The following SFMBT2 variants were observed in gnomAD, a reference collection of about 807,000 sequenced individuals.
The protein encoded by SFMBT2 is scm-like with four MBT domains protein 2.
SFMBT2 carries 38 observed loss-of-function variants against 110.1 expected under a neutral mutation model. The observed-to-expected ratio is 0.35, with a 90% CI of 0.27 to 0.45. The LOEUF is 0.45. Ranked by LOEUF, SFMBT2 falls within the 20% of genes least tolerant of loss-of-function variation. The pLI, the probability that SFMBT2 is intolerant of heterozygous loss-of-function variation, is 1.00. For missense variants in SFMBT2, 1,011 were observed against 1,094.9 expected (o/e 0.92, Z 1.08); for synonymous variants, 425 against 425.4 (o/e 1.00, Z 0.01).
intron 9 of SFMBT2, among the ~76,000 whole-genome samples, chr10:7,228,717 TTCTTTCTTTCTTTCTTTCCTTTCTCTC>T (rs1564395169): frequency 2.4e-3 from 313 of 131,922 alleles, no homozygotes; most frequent in African/African-American, 8.9e-3. Flanking sequence ...CTTTCTTTCT[TTCTTTCTTTCTTTCTTTCCTTTCTCTC>T]TCTCTCTCTC....
intron 7 of SFMBT2, among the ~76,000 whole-genome samples, chr10:7,265,528 G>C (rs907522750): frequency 6.6e-6 from 1 of 152,088 alleles, no homozygotes; most frequent in African/African-American, 2.4e-5. Context: ...ATTTCAATGA[G>C]GAATTGAAAT....
intron 12 of SFMBT2, 131 bp downstream of exon 12, chr10:7,205,684 T>C (rs973165738): frequency 2.1e-6 from 3 of 1,407,482 alleles, no homozygotes; most frequent in African/African-American, 1.5e-5. Context: ...CATGAAAACA[T>C]GGGTTCTTGG....
rs71515471 is a variant in SFMBT2, at chr10:7,346,988, T to TCAAAACAAAA, written c.436+20651_436+20660dup. Among the ~76,000 whole-genome samples, 1,449 of 150,366 alleles carry TCAAAACAAAA rather than the reference T, an allele frequency of 9.6e-3. 27 individuals carry two copies. Among genetic ancestry groups the TCAAAACAAAA allele is most frequent in the African/African-American group, 0.03 (1,235 of 40,554 alleles). On this transcript the variant is annotated intron_variant, in intron 4 of 20. Coordinates refer to ENST00000397167, the MANE Select transcript of SFMBT2 (RefSeq NM_001387889.1). Reference sequence around the variant, plus strand: ...CTGGGCGACAAAACCAGACTCTGTCTCAAAACAAAACAAAACAAAACAAAA... The same window carrying TCAAAACAAAA: ...CTGGGCGACAAAACCAGACTCTGTCTCAAAACAAAACAAAACAAAACAAAACAAAACAAAA...
At chr10:7,240,878 T>C (rs1335497448) in intron 9 of SFMBT2, among the ~76,000 whole-genome samples, 2 of 152,252 alleles carry the variant, frequency 1.3e-5, no homozygotes, top group Non-Finnish European at 2.9e-5. Flanking sequence ...GTAAAAATTC[T>C]ACTATTTCAA....
chr10:7,263,556 C>A (rs1182212543), intron 7 of SFMBT2, among the ~76,000 whole-genome samples: 2 of 152,196 alleles, frequency 1.3e-5, no homozygotes, highest in African/African-American at 4.8e-5. Flanking sequence ...GCCTCTATTT[C>A]AAAGCCATTT....
chr10:7,259,371 C>T (rs1325456132), intron 7 of SFMBT2, among the ~76,000 whole-genome samples: 2 of 152,226 alleles, frequency 1.3e-5, no homozygotes, highest in Non-Finnish European at 2.9e-5. Flanking sequence ...CTTCCTCACA[C>T]CCCAGCTGCC....
At chr10:7,218,298 A>AT (rs1042732385) in intron 11 of SFMBT2, among the ~76,000 whole-genome samples, 1 of 152,240 alleles carries the variant, frequency 6.6e-6, no homozygotes, top group African/African-American at 2.4e-5. Context: ...AACTGAAATA[A>AT]TGAGAGCTAA....
At chr10:7,258,369 CA>C (rs1406458865) in intron 7 of SFMBT2, among the ~76,000 whole-genome samples, 1 of 152,074 alleles carries the variant, frequency 6.6e-6, no homozygotes, top group Non-Finnish European at 1.5e-5. Flanking sequence ...ATAAAATAGA[CA>C]AAAAACAGAT....
chr10:7,274,113 T>G (rs1334642752), intron 7 of SFMBT2, among the ~76,000 whole-genome samples: 1 of 152,210 alleles, frequency 6.6e-6, no homozygotes, highest in Non-Finnish European at 1.5e-5. Flanking sequence ...CCCACATTTC[T>G]AAGGGATGTG....
intron 15 of SFMBT2, among the ~76,000 whole-genome samples, chr10:7,192,823 C>T (rs112905158): frequency 3.5e-4 from 53 of 152,186 alleles, no homozygotes; most frequent in African/African-American, 1.1e-3. Context: ...GCCGGGGGTC[C>T]GGGGCACACC....
intron 16 of SFMBT2, among the ~76,000 whole-genome samples, chr10:7,181,597 G>C (rs920496791): frequency 2.0e-5 from 3 of 152,172 alleles, no homozygotes; most frequent in African/African-American, 7.2e-5. Flanking sequence ...ACTATACCAA[G>C]CTGACTCTAC....
chr10:7,196,027 A>T (rs1838755351), intron 15 of SFMBT2, among the ~76,000 whole-genome samples: 1 of 152,232 alleles, frequency 6.6e-6, no homozygotes, highest in Non-Finnish European at 1.5e-5. Flanking sequence ...ACTGATGACC[A>T]GGAAGAGAAA....
intron 9 of SFMBT2, among the ~76,000 whole-genome samples, chr10:7,237,867 G>C (rs1007662818): frequency 6.6e-6 from 1 of 152,166 alleles, no homozygotes; most frequent in Non-Finnish European, 1.5e-5. Context: ...GATTGAACAG[G>C]GAAGCCCAGA....
In SFMBT2 at chr10:7,161,112, TG is replaced by T. The variant is rs1275451926; in HGVS notation, c.*2657del. The T allele has an allele frequency of 6.6e-6, 1 of 152,266 alleles. No individual in the cohort carries two copies. Among genetic ancestry groups the T allele is most frequent in the Non-Finnish European group, 1.5e-5 (1 of 68,088 alleles). The allele number at this position is 152,266 out of a possible 1,614,324, so 9.4% of individuals were successfully genotyped here. Reference sequence around the variant, plus strand: ...TCAGGGTGAAGGATACGGAGAGTCTTGGGCGCTTGGCTCCACGGGAAGCAAA... The same window carrying T: ...TCAGGGTGAAGGATACGGAGAGTCTTGGCGCTTGGCTCCACGGGAAGCAAA... On this transcript the variant is annotated 3_prime_UTR_variant, in exon 21 of 21. Coordinates refer to ENST00000397167, the MANE Select transcript of SFMBT2 (RefSeq NM_001387889.1).
At chr10:7,377,504 C>T (rs1220707234) in intron 2 of SFMBT2, among the ~76,000 whole-genome samples, 1 of 152,118 alleles carries the variant, frequency 6.6e-6, no homozygotes, top group African/African-American at 2.4e-5. Context: ...CTGTAACTCA[C>T]CATGATATAG....
At chr10:7,360,631 C>A (rs1158881458) in intron 4 of SFMBT2, among the ~76,000 whole-genome samples, 2 of 152,172 alleles carry the variant, frequency 1.3e-5, no homozygotes, top group Non-Finnish European at 2.9e-5. Context: ...TGATTCACAG[C>A]AGGACTCTTT....
intron 10 of SFMBT2, among the ~76,000 whole-genome samples, chr10:7,222,115 C>T (rs1054695463): frequency 2.0e-5 from 3 of 152,200 alleles, no homozygotes; most frequent in South Asian, 2.1e-4. Context: ...TGTAGCCTTT[C>T]GAGTCTGGCT....
At chr10:7,405,653 TG>T (rs1846190140) in intron 1 of SFMBT2, among the ~76,000 whole-genome samples, 3 of 152,194 alleles carry the variant, frequency 2.0e-5, no homozygotes, top group Non-Finnish European at 4.4e-5. Context: ...ATAGATGTAC[TG>T]AATCACAGAT....
At chr10:7,298,080 G>A (rs1488125581) in intron 4 of SFMBT2, among the ~76,000 whole-genome samples, 1 of 152,228 alleles carries the variant, frequency 6.6e-6, no homozygotes, top group Non-Finnish European at 1.5e-5. Context: ...AGCACCCAGA[G>A]GCCCTCGCAG....
Sources: gnomAD v4.1 joint callset for allele counts (sites outside exome capture counted in the v4.1 genomes callset) on GRCh38, gnomAD v4.1.1 for gene constraint, MANE v1.5 for transcripts, NCBI Gene and HGNC (gene_info 2026-07-23, HGNC 2026-07-21) for gene names.